The following RIN3 variants were observed in gnomAD, a reference collection of about 807,000 sequenced individuals.
RIN3 encodes RAB5 interacting protein 3.
Under a neutral mutation model 76.3 loss-of-function variants are expected in RIN3, and 54 were observed. That is an observed-to-expected ratio of 0.71 (90% CI 0.57 to 0.89). RIN3 has a LOEUF of 0.89. Ranked by LOEUF, RIN3 falls within the 40% of genes least tolerant of loss-of-function variation. RIN3 has a pLI of 0.00. For missense variants in RIN3, 1,256 were observed against 1,322.1 expected (o/e 0.95, Z 0.78); for synonymous variants, 576 against 564.0 (o/e 1.02, Z -0.30).
chr14:92,670,485 C>A (rs534294214), intron 7 of RIN3, among the ~76,000 whole-genome samples: 1 of 152,262 alleles, frequency 6.6e-6, no homozygotes, highest in African/African-American at 2.4e-5. Flanking sequence ...TAGCCCTGAG[C>A]CTGGGGTTCC....
Position 92,532,876 on chromosome 14 carries a change from G to A in RIN3, c.44+18900G>A, listed in dbSNP as rs568132501. On this transcript the variant is annotated intron_variant, in intron 1 of 9. Transcript: ENST00000216487. ...CATGGGAGTTGGGAGGCTCTTGAAA[G>A]CCGGGGAGCTTGGAGGGGACGAGAC... 2.6e-5 allele frequency among the ~76,000 whole-genome samples: 4 copies of A among 152,322 alleles called. No homozygotes were observed. The South Asian group carries it at 6.2e-4, about 24-fold the overall frequency.
chr14:92,537,844 T>A (rs1437901639), intron 1 of RIN3, among the ~76,000 whole-genome samples: 4 of 140,786 alleles, frequency 2.8e-5, no homozygotes, highest in South Asian at 2.2e-4. Flanking sequence ...TTTATTTATT[T>A]TTTTTTTTTT....
intron 7 of RIN3, among the ~76,000 whole-genome samples, chr14:92,672,635 A>G (rs8018786): frequency 0.13 from 20,268 of 150,468 alleles, 1,499 homozygotes; most frequent in East Asian, 0.24. Context: ...AACCACAAAG[A>G]TAAATTATAT....
chr14:92,575,596 C>T (rs1347231078), intron 2 of RIN3, among the ~76,000 whole-genome samples: 4 of 152,082 alleles, frequency 2.6e-5, no homozygotes, highest in African/African-American at 9.7e-5. Flanking sequence ...CCTTTTTAGA[C>T]ATAGGCTAAT....
intron 1 of RIN3, among the ~76,000 whole-genome samples, chr14:92,547,103 A>ATTATCTTTATTTTATTATTATAAAG (rs1566836663): frequency 4.8e-5 from 4 of 82,496 alleles, no homozygotes; most frequent in Non-Finnish European, 5.2e-5. Flanking sequence ...TTATAATTAA[A>ATTATCTTTATTTTATTATTATAAAG]TAAATTATCT....
intron 5 of RIN3, among the ~76,000 whole-genome samples, chr14:92,651,262 C>G (rs1197687021): frequency 1.3e-5 from 2 of 152,086 alleles, no homozygotes; most frequent in African/African-American, 2.4e-5. Context: ...GTGTTGTCAC[C>G]CCCCACCCTG....
Position 92,555,855 on chromosome 14 carries a change from T to A in RIN3, c.149T>A (p.Ile50Asn). 1 of 1,614,152 alleles carries A rather than the reference T, an allele frequency of 6.2e-7. No homozygotes were observed. Among genetic ancestry groups the A allele is most frequent in the Non-Finnish European group, 8.5e-7 (1 of 1,180,028 alleles). ...AACTGCCTTCCTCACCGCCGGGGCA[T>A]CAGCATCCTGGAGAAGCTCATCAAA... Reference protein sequence around the residue: ...PKNCLPHRRGISILEKLIKTC... With the variant: ...PKNCLPHRRGNSILEKLIKTC... Residue 50 changes from isoleucine (I) to asparagine (N), a missense_variant, in exon 2 of 10, where the codon ATC becomes AAC. This residue lies in a region of RIN3 where 610 missense variants were observed against 626.4 expected (regional missense o/e 0.97). Coordinates refer to ENST00000216487, the MANE Select transcript of RIN3 (RefSeq NM_024832.5).
At chr14:92,672,660 A>ATATG (rs371612916) in intron 7 of RIN3, among the ~76,000 whole-genome samples, 36,449 of 148,440 alleles carry the variant, frequency 0.25, 5,298 homozygotes, top group Non-Finnish European at 0.32. Context: ...ATGTGTGTGC[A>ATATG]TGTGTGTGTG....
At chr14:92,522,214 G>A (rs1041999424) in intron 1 of RIN3, among the ~76,000 whole-genome samples, 7 of 152,130 alleles carry the variant, frequency 4.6e-5, no homozygotes, top group African/African-American at 1.7e-4. Context: ...TTAGGTAAAA[G>A]TCAATCTCTA....
intron 1 of RIN3, among the ~76,000 whole-genome samples, chr14:92,554,953 A>G (rs553959748): frequency 6.6e-6 from 1 of 152,328 alleles, no homozygotes; most frequent in East Asian, 1.9e-4. Context: ...TGTAAACAAT[A>G]AAAATATTAA....
At chr14:92,602,990 C>G (rs1242933632) in intron 3 of RIN3, among the ~76,000 whole-genome samples, 7 of 152,218 alleles carry the variant, frequency 4.6e-5, no homozygotes, top group Non-Finnish European at 1.5e-5. Flanking sequence ...CTGCTGAGTG[C>G]TCCCCATCAC....
chr14:92,565,008 G>A (rs1159917084), intron 2 of RIN3, among the ~76,000 whole-genome samples: 1 of 152,206 alleles, frequency 6.6e-6, no homozygotes, highest in Non-Finnish European at 1.5e-5. Flanking sequence ...TGTTCTGTTT[G>A]TAGGAAACCC....
intron 2 of RIN3, chr14:92,576,303 A>C: frequency 7.8e-7 from 1 of 1,289,740 alleles, no homozygotes; most frequent in South Asian, 1.2e-5. Context: ...CGGGACCCTC[A>C]CTGGAGCAGA....
chr14:92,528,082 C>T (rs8008026), intron 1 of RIN3, among the ~76,000 whole-genome samples: 10,163 of 151,326 alleles, frequency 0.067, 1,163 homozygotes, highest in African/African-American at 0.24. Flanking sequence ...GGGGTCCTGG[C>T]AAGGGCTGGT....
At chr14:92,586,044 A>G (rs2140070807) in intron 3 of RIN3, among the ~76,000 whole-genome samples, 1 of 152,294 alleles carries the variant, frequency 6.6e-6, no homozygotes, top group South Asian at 2.1e-4. Context: ...CAGACATGTT[A>G]CTTAATTTCT....
intron 3 of RIN3, among the ~76,000 whole-genome samples, chr14:92,591,194 G>C (rs1242605582): frequency 6.6e-6 from 1 of 152,170 alleles, no homozygotes; most frequent in Non-Finnish European, 1.5e-5. Context: ...CAGAAATGCA[G>C]AATGCCTTAG....
At chr14:92,641,819 G>T (rs1887026731) in intron 5 of RIN3, among the ~76,000 whole-genome samples, 1 of 152,232 alleles carries the variant, frequency 6.6e-6, no homozygotes, top group Non-Finnish European at 1.5e-5. Context: ...GGGGTAAAGA[G>T]GGGAGAGGAA....
intron 1 of RIN3, among the ~76,000 whole-genome samples, chr14:92,546,402 A>G (rs373583201): frequency 2.0e-5 from 3 of 152,156 alleles, no homozygotes; most frequent in South Asian, 2.1e-4. Flanking sequence ...GCTGTTTTGA[A>G]GTATATAATA....
At chr14:92,530,868 A>G (rs1307300817) in intron 1 of RIN3, among the ~76,000 whole-genome samples, 1 of 152,064 alleles carries the variant, frequency 6.6e-6, no homozygotes, top group Non-Finnish European at 1.5e-5. Context: ...AGTTGGTTCT[A>G]TGTGGACAAC....
Sources: gnomAD v4.1 joint callset for allele counts (sites outside exome capture counted in the v4.1 genomes callset) on GRCh38, gnomAD v4.1.1 for gene constraint, gnomAD v4.1.1 regional missense constraint, MANE v1.5 for transcripts, NCBI Gene and HGNC (gene_info 2026-07-23, HGNC 2026-07-21) for gene names.